COL5A1: variants seen among roughly 807,000 people sequenced by gnomAD.
COL5A1 encodes the protein collagen type V alpha 1 chain, also known as collagen alpha-1(V) chain.
In COL5A1, 16 loss-of-function variants were observed where a neutral mutation model predicts 263.7. The ratio of observed to expected loss-of-function variants is 0.06; its 90% CI spans 0.04 to 0.09. The LOEUF (loss-of-function observed/expected upper bound fraction) is 0.09. Ranked by LOEUF, COL5A1 falls within the 10% of genes least tolerant of loss-of-function variation. The probability of loss-of-function intolerance (pLI) is 1.00; values close to 1 mark genes in which losing one functional copy is unlikely to be tolerated. For missense variants in COL5A1, 2,036 were observed against 2,540.5 expected, an observed-to-expected ratio of 0.80 and a Z score of 4.27; for synonymous variants, 1,012 against 1,004.5, an observed-to-expected ratio of 1.01 and a Z score of -0.14.
At chr9:134,725,289 T>C (rs562482868) in intron 4 of COL5A1, among the ~76,000 whole-genome samples, 43 of 152,230 alleles carry the variant, frequency 2.8e-4, no homozygotes, top group African/African-American at 1.0e-3. Context: ...GTTTCCTCTG[T>C]TGTAGAGTGG....
intron 65 of COL5A1, among the ~76,000 whole-genome samples, chr9:134,836,205 G>A (rs1416454439): frequency 6.6e-6 from 1 of 151,614 alleles, no homozygotes; most frequent in Non-Finnish European, 1.5e-5. Context: ...GAATCGTTGT[G>A]TGGTGCCAGC....
At chr9:134,751,255 T>A (rs1412649677) in intron 13 of COL5A1, among the ~76,000 whole-genome samples, 1 of 152,026 alleles carries the variant, frequency 6.6e-6, no homozygotes, top group Non-Finnish European at 1.5e-5. Context: ...CCCGAGATCA[T>A]GGGGACTGTT....
chr9:134,709,953 G>T (rs1025310560), intron 4 of COL5A1, among the ~76,000 whole-genome samples: 2 of 152,186 alleles, frequency 1.3e-5, no homozygotes, highest in African/African-American at 4.8e-5. Context: ...GGGTCCAGTG[G>T]CTGGGGGAGC....
chr9:134,696,151 T>C lies in COL5A1; in HGVS notation c.278-3758T>C, dbSNP rs1300791893. Among the ~76,000 whole-genome samples, 5 of 152,162 alleles carry C rather than the reference T, an allele frequency of 3.3e-5. No homozygotes were observed. The highest frequency in any genetic ancestry group is 3.4e-3 in the Middle Eastern group (1 of 294). The stretch of plus-strand genomic sequence containing the variant: ...ACCTCTTTCTGCCACCCTGCCCCAC[T>C]GCCCCCTGCATTATTTGCAATTATT... On this transcript the variant is annotated intron_variant, in intron 2 of 65. Coordinates refer to ENST00000371817, the MANE Select transcript of COL5A1 (RefSeq NM_000093.5). The surrounding 1 kb of genome is among the most constrained non-coding windows in gnomAD (Gnocchi z 4.3).
chr9:134,838,891 C>T (rs893434874), intron 65 of COL5A1, among the ~76,000 whole-genome samples: 4 of 152,220 alleles, frequency 2.6e-5, no homozygotes, highest in African/African-American at 4.8e-5. Context: ...AGCTGGGGTG[C>T]GGGGCGGCCA....
chr9:134,786,111 A>T, intron 31 of COL5A1, 63 bp downstream of exon 31: 4 of 1,439,178 alleles, frequency 2.8e-6, no homozygotes, highest in Non-Finnish European at 3.9e-6. Flanking sequence ...CGGTCTCCCC[A>T]CCCTGCATCC....
At chr9:134,711,745 G>A (rs1347947857) in intron 4 of COL5A1, among the ~76,000 whole-genome samples, 1 of 152,050 alleles carries the variant, frequency 6.6e-6, no homozygotes, top group East Asian at 1.9e-4. Flanking sequence ...GGAGGCTTCT[G>A]CCTGGGTCCT....
In COL5A1 at chr9:134,841,849, G is replaced by A. The variant is rs1246194903; in HGVS notation, c.5371-308G>A. ...CTGGACTGGGCACGGTGGGAAGGCTGATCAGCTTCAATCCTGTGTGTGCCT... is the reference window on the plus strand; with the variant it reads ...CTGGACTGGGCACGGTGGGAAGGCTAATCAGCTTCAATCCTGTGTGTGCCT... On this transcript the variant is annotated intron_variant, in intron 65 of 65. Coordinates refer to ENST00000371817, the MANE Select transcript of COL5A1 (RefSeq NM_000093.5). This position sits in a 1 kb window ranked among gnomAD's most constrained non-coding sequence, Gnocchi z 4.8. Among the ~76,000 whole-genome samples, 2 of 152,140 alleles carry A rather than the reference G, an allele frequency of 1.3e-5. No homozygotes were observed. The highest frequency in any genetic ancestry group is 2.9e-5 in the Non-Finnish European group (2 of 68,028).
intron 30 of COL5A1, 105 bp from the exon 31 acceptor site, chr9:134,785,890 C>T: frequency 9.3e-7 from 1 of 1,075,414 alleles, no homozygotes; most frequent in South Asian, 1.3e-5. Flanking sequence ...GGAAACCACA[C>T]CCTCCTCCAG....
At chr9:134,744,697 A>T (rs1410361997) in intron 11 of COL5A1, among the ~76,000 whole-genome samples, 1 of 150,846 alleles carries the variant, frequency 6.6e-6, no homozygotes, top group Non-Finnish European at 1.5e-5. Context: ...GCATGCACAC[A>T]CCCATACATG....
In COL5A1 at chr9:134,677,476, A is replaced by G. The variant is rs1262249261; in HGVS notation, c.110-13436A>G. On this transcript the variant is annotated intron_variant, in intron 1 of 65. Coordinates refer to ENST00000371817, the MANE Select transcript of COL5A1 (RefSeq NM_000093.5). The surrounding 1 kb of genome is among the most constrained non-coding windows in gnomAD (Gnocchi z 4.4). ...GGCAGGAATCCAGTGCATCCAGTAG[A>G]GAGAGGCCATGTGCAAATGCTCAGG... 6.6e-6 allele frequency among the ~76,000 whole-genome samples: 1 copy of G among 152,102 alleles called. No homozygotes were observed. The highest frequency in any genetic ancestry group is 1.5e-5 in the Non-Finnish European group (1 of 68,010).
chr9:134,722,378 G>A lies in COL5A1; in HGVS notation c.655-4888G>A, dbSNP rs1024082248. On this transcript the variant is annotated intron_variant, in intron 4 of 65. Transcript: ENST00000371817. ...TACCTAGCCTTGGGCCCTGATGGTC[G>A]TGCAGGTGTGCCTGGGTGCTGTGTG... is the stretch of plus-strand genomic sequence containing the variant. Among the ~76,000 whole-genome samples, 9 of 152,220 alleles carry A rather than the reference G, an allele frequency of 5.9e-5. 1 individual carries two copies. The South Asian group carries it at 6.2e-4, about 11-fold the overall frequency.
At chr9:134,709,040 A>G in intron 4 of COL5A1, 1 of 431,350 alleles carries the variant, frequency 2.3e-6, no homozygotes, top group Non-Finnish European at 4.7e-6. Context: ...CTAATCTAGG[A>G]TGTTCCCATT....
chr9:134,821,769 G>C lies in COL5A1; in HGVS notation c.4555-328G>C, dbSNP rs773629947. Among the ~76,000 whole-genome samples the C allele has an allele frequency of 3.3e-5, 5 of 152,250 alleles. No homozygotes were observed. Among genetic ancestry groups the C allele is most frequent in the African/African-American group, 7.2e-5 (3 of 41,478 alleles). ...AAGCCAGGGCCACAATGTCAGGGCA[G>C]TGGTTTCTGTATTTCCAAATGAACG... On this transcript the variant is annotated intron_variant, in intron 58 of 65. Coordinates refer to ENST00000371817, the MANE Select transcript of COL5A1 (RefSeq NM_000093.5). The surrounding 1 kb of genome is among the most constrained non-coding windows in gnomAD (Gnocchi z 4.2).
At chr9:134,763,853 G>A (rs896559095) in intron 20 of COL5A1, 116 bp downstream of exon 20, 10 of 1,068,822 alleles carry the variant, frequency 9.4e-6, no homozygotes, top group Non-Finnish European at 1.1e-5. Context: ...GAGAGAGCTC[G>A]ACCTGAGAAC....
intron 4 of COL5A1, among the ~76,000 whole-genome samples, chr9:134,720,354 G>A (rs1418408998): frequency 2.0e-5 from 3 of 152,162 alleles, no homozygotes; most frequent in African/African-American, 4.8e-5. Flanking sequence ...AGCACCTCCC[G>A]CCGGCCAGTG....
At chr9:134,828,641 A>ACC (rs1255661080) in intron 63 of COL5A1, among the ~76,000 whole-genome samples, 26 of 7,160 alleles carry the variant, frequency 3.6e-3, no homozygotes, top group Non-Finnish European at 6.5e-3. Flanking sequence ...ACACACGATA[A>ACC]ACACCACACA....
In COL5A1 at chr9:134,805,187, AG is replaced by A. The variant is rs1588569990; in HGVS notation, c.3234del (p.Pro1080LeufsTer196). 1 of 1,613,982 alleles carries A rather than the reference AG, an allele frequency of 6.2e-7. No individual in the cohort carries two copies. The highest frequency in any genetic ancestry group is 8.5e-7 in the Non-Finnish European group (1 of 1,180,014). On this transcript the variant is annotated frameshift_variant, in exon 41 of 66. Transcript: ENST00000371817. LOFTEE classifies it high-confidence loss of function. Reference protein sequence around the residue: ...VGALGLKGNEGPPGPPGPAGS... With the variant: ...VGALGLKGNEXPPGPPGPAGS... ...GAGCTCTTGGACTGAAAGGCAATGAAGGGCCCCCTGGCCCACCAGGCCCTGC... is the reference window on the plus strand; with the variant it reads ...GAGCTCTTGGACTGAAAGGCAATGAAGGCCCCCTGGCCCACCAGGCCCTGC...
Position 134,677,812 on chromosome 9 carries a change from C to T in COL5A1, c.110-13100C>T, listed in dbSNP as rs916974945. Among the ~76,000 whole-genome samples the T allele has an allele frequency of 3.3e-5, 5 of 152,280 alleles. No homozygotes were observed. The highest frequency in any genetic ancestry group is 3.4e-3 in the Middle Eastern group (1 of 294). On this transcript the variant is annotated intron_variant, in intron 1 of 65. Transcript: ENST00000371817. This position sits in a 1 kb window ranked among gnomAD's most constrained non-coding sequence, Gnocchi z 4.4. ...CAGTGTGTGGTTGAGACAGTGGATG[C>T]GGGAGGACTGTGAATAGGCTGCTTT...
Sources: gnomAD v4.1 joint callset for allele counts (sites outside exome capture counted in the v4.1 genomes callset) on GRCh38, gnomAD v4.1.1 for gene constraint, Gnocchi (gnomAD v3.1) non-coding constraint, MANE v1.5 for transcripts, NCBI Gene and HGNC (gene_info 2026-07-23, HGNC 2026-07-21) for gene names.